The following CDC20B variants were observed in gnomAD, a reference collection of about 807,000 sequenced individuals.
The protein encoded by CDC20B is cell division cycle protein 20 homolog B.
CDC20B carries 58 observed loss-of-function variants against 64.1 expected under a neutral mutation model. That is an observed-to-expected ratio of 0.90 (90% CI 0.73 to 1.13). The LOEUF (loss-of-function observed/expected upper bound fraction) is 1.13. Ranked by LOEUF, CDC20B falls within the 50% of genes most tolerant of loss-of-function variation. The pLI is 0.00. For missense variants in CDC20B, 597 were observed against 633.0 expected, an observed-to-expected ratio of 0.94 and a Z score of 0.61; for synonymous variants, 243 against 230.6, an observed-to-expected ratio of 1.05 and a Z score of -0.49.
chr5:55,145,673 C>T (rs1408734720), intron 3 of CDC20B, among the ~76,000 whole-genome samples: 1 of 145,730 alleles, frequency 6.9e-6, no homozygotes, highest in Non-Finnish European at 1.5e-5. Flanking sequence ...CTGTCTCTCA[C>T]TCTCCTTTCC....
intron 2 of CDC20B, chr5:55,164,626 C>G (rs1744284099): frequency 6.5e-6 from 1 of 152,966 alleles, no homozygotes; most frequent in Non-Finnish European, 1.5e-5. Context: ...AATGCCAACA[C>G]ACTAGACCAC....
intron 6 of CDC20B, 72 bp from the exon 7 acceptor site, chr5:55,128,689 T>C: frequency 8.9e-7 from 1 of 1,126,438 alleles, no homozygotes; most frequent in East Asian, 2.8e-5. Context: ...AACAACTTTA[T>C]AGGTAGGGGG....
chr5:55,114,546 G>A lies in CDC20B; in HGVS notation c.1460-228C>T, dbSNP rs1416486783. On this transcript the variant is annotated intron_variant, in intron 11 of 11. Coordinates refer to ENST00000381375, the MANE Select transcript of CDC20B (RefSeq NM_001170402.1). This position sits in a 1 kb window ranked among gnomAD's most constrained non-coding sequence, Gnocchi z 4.1. ...GCTCTTGCCCCTGTATCAGTGTCCT[G>A]TGGCTGCCATAACAAATTACCACCC... is the stretch of plus-strand genomic sequence containing the variant. Among the ~76,000 whole-genome samples the A allele has an allele frequency of 6.6e-6, 1 of 152,198 alleles. No homozygotes were observed. The highest frequency in any genetic ancestry group is 1.9e-4 in the East Asian group (1 of 5,196).
intron 2 of CDC20B, chr5:55,160,528 C>T (rs952899085): frequency 1.6e-6 from 1 of 642,530 alleles, no homozygotes; most frequent in Non-Finnish European, 2.7e-6. Context: ...GGTATTAGTA[C>T]ATCACTTTAG....
chr5:55,127,457 C>A, intron 7 of CDC20B, 106 bp from the exon 8 acceptor site: 1 of 876,004 alleles, frequency 1.1e-6, no homozygotes, highest in Non-Finnish European at 1.9e-6. Flanking sequence ...AGTTTTTGTA[C>A]TAAGTGAAAA....
intron 9 of CDC20B, among the ~76,000 whole-genome samples, chr5:55,122,260 G>T (rs1348925171): frequency 2.2e-5 from 3 of 138,926 alleles, no homozygotes; most frequent in Non-Finnish European, 4.6e-5. Context: ...TAAACAATTT[G>T]GAAGTCTTTT....
intron 2 of CDC20B, among the ~76,000 whole-genome samples, chr5:55,151,325 G>A (rs1743662950): frequency 1.3e-5 from 2 of 152,166 alleles, no homozygotes; most frequent in Non-Finnish European, 2.9e-5. Context: ...GAGCATGTCT[G>A]TGGGCCACAT....
At chr5:55,167,163 T>C (rs1744439609) in intron 2 of CDC20B, 1 of 152,196 alleles carries the variant, frequency 6.6e-6, no homozygotes, top group African/African-American at 2.4e-5. Context: ...GGTAACTAAT[T>C]CACTGACTTG....
intron 2 of CDC20B, among the ~76,000 whole-genome samples, chr5:55,149,092 A>T (rs1743586340): frequency 6.6e-6 from 1 of 152,240 alleles, no homozygotes; most frequent in Non-Finnish European, 1.5e-5. Context: ...CTAACAGGAC[A>T]TCTCTAAGAG....
rs1359095492 is a variant in CDC20B, at chr5:55,143,493, G to GT, written c.486+19dup. ...AGCTTCTCTAGATGTGGGATCTTCA[G>GT]TTTTTTTCTCTTTACCTACCTGCCC... is the stretch of plus-strand genomic sequence containing the variant. On this transcript the variant is annotated intron_variant, in intron 4 of 11. Coordinates refer to ENST00000381375, the MANE Select transcript of CDC20B (RefSeq NM_001170402.1). 4.5e-6 allele frequency: 7 copies of GT among 1,569,082 alleles called. No individual in the cohort carries two copies. Among genetic ancestry groups the GT allele is most frequent in the African/African-American group, 2.8e-5 (2 of 72,680 alleles).
chr5:55,117,525 A>G (rs941635968), intron 11 of CDC20B, among the ~76,000 whole-genome samples: 16 of 152,034 alleles, frequency 1.1e-4, no homozygotes, highest in African/African-American at 2.2e-4. Context: ...TCATAATCCA[A>G]TGGTCATGAC....
At chr5:55,165,445 C>T (rs1439292325) in intron 2 of CDC20B, 1 of 152,140 alleles carries the variant, frequency 6.6e-6, no homozygotes, top group Non-Finnish European at 1.5e-5. Flanking sequence ...AAGAAAAAGA[C>T]CCAATTTAAG....
At chr5:55,129,261 T>TAA (rs751028279) in intron 6 of CDC20B, among the ~76,000 whole-genome samples, 68 of 152,184 alleles carry the variant, frequency 4.5e-4, no homozygotes, top group South Asian at 1.5e-3. Flanking sequence ...TACAATACAT[T>TAA]CCGTCCCCAT....
At chr5:55,171,129 C>T (rs772381790) in intron 2 of CDC20B, among the ~76,000 whole-genome samples, 1 of 152,174 alleles carries the variant, frequency 6.6e-6, no homozygotes, top group Non-Finnish European at 1.5e-5. Flanking sequence ...GCCTGGCCAA[C>T]ATGGTGAAAC....
rs1393074532 is a variant in CDC20B at position 55,146,820 on chromosome 5, T to TCGC, written c.162_163insGCG (p.Phe54_Lys55insAla). The TCGC allele has an allele frequency of 6.2e-7, 1 of 1,614,030 alleles. No homozygotes were observed. Among genetic ancestry groups the TCGC allele is most frequent in the Non-Finnish European group, 8.5e-7 (1 of 1,180,028 alleles). ...GACAGCCTCTTCGCAAAGTTGCTCT[T>TCGC]AAAGTCAGAATACGTAGCATTAACT... is the stretch of plus-strand genomic sequence containing the variant. On this transcript the variant is annotated inframe_insertion, in exon 3 of 12. Transcript: ENST00000381375.
At chr5:55,167,335 T>A (rs996416829) in intron 2 of CDC20B, among the ~76,000 whole-genome samples, 6 of 152,236 alleles carry the variant, frequency 3.9e-5, no homozygotes, top group African/African-American at 1.4e-4. Flanking sequence ...TTTAAATGTT[T>A]AACAATTACA....
At chr5:55,143,059 C>T (rs1245311773) in intron 4 of CDC20B, among the ~76,000 whole-genome samples, 8 of 151,684 alleles carry the variant, frequency 5.3e-5, no homozygotes, top group Non-Finnish European at 7.4e-5. Context: ...AAGAAAAAAA[C>T]AAACAACAAG....
chr5:55,146,631 G>A lies in CDC20B; in HGVS notation c.352C>T (p.Leu118=). 6.2e-7 allele frequency: 1 copy of A among 1,612,782 alleles called. No individual in the cohort carries two copies. The highest frequency in any genetic ancestry group is 8.5e-7 in the Non-Finnish European group (1 of 1,178,928). Residue 118 remains leucine (L), a synonymous_variant, in exon 3 of 12, where the codon CTA becomes TTA. Coordinates refer to ENST00000381375, the MANE Select transcript of CDC20B (RefSeq NM_001170402.1). ...TGTGGCGTTTGGGGCACCTCACCTA[G>A]AGTCAAGGTCTCTTTCTCAGGCGGT... is the stretch of plus-strand genomic sequence containing the variant. The part of the protein sequence containing the change: ...KTPPEKETLT[L]GSRKEQLKTP...
At chr5:55,137,584 G>A (rs1192052990) in intron 5 of CDC20B, 2 of 456,550 alleles carry the variant, frequency 4.4e-6, no homozygotes, top group Non-Finnish European at 8.8e-6. Context: ...ATTAGTCTTT[G>A]CCACCAACAT....
Sources: gnomAD v4.1 joint callset for allele counts (sites outside exome capture counted in the v4.1 genomes callset) on GRCh38, gnomAD v4.1.1 for gene constraint, Gnocchi (gnomAD v3.1) non-coding constraint, MANE v1.5 for transcripts, NCBI Gene and HGNC (gene_info 2026-07-23, HGNC 2026-07-21) for gene names.